The following MAPRE3 variants were observed in gnomAD, a reference collection of about 807,000 sequenced individuals.
MAPRE3 encodes microtubule-associated protein RP/EB family member 3.
MAPRE3 carries 2 observed loss-of-function variants against 30.5 expected under a neutral mutation model. The observed-to-expected ratio is 0.07, with a 90% CI of 0.03 to 0.21. The LOEUF (loss-of-function observed/expected upper bound fraction) is 0.21. Ranked by LOEUF, MAPRE3 falls within the 10% of genes least tolerant of loss-of-function variation. The pLI is 1.00. For missense variants in MAPRE3, 204 were observed against 351.8 expected, an observed-to-expected ratio of 0.58 and a Z score of 3.36; for synonymous variants, 110 against 127.7, an observed-to-expected ratio of 0.86 and a Z score of 0.93.
In MAPRE3 at chr2:27,003,962, G is replaced by A. The variant is rs115483837; in HGVS notation, c.-7-18250G>A. Among the ~76,000 whole-genome samples the A allele has an allele frequency of 1.9e-3, 293 of 152,252 alleles. 2 individuals carry two copies. Among genetic ancestry groups the A allele is most frequent in the African/African-American group, 6.3e-3 (263 of 41,540 alleles). On this transcript the variant is annotated intron_variant, in intron 1 of 6. Coordinates refer to ENST00000233121, the MANE Select transcript of MAPRE3 (RefSeq NM_012326.4). Reference sequence around the variant, plus strand: ...TTAGCTTGAACCTTCACAACAGTCCGGCAGCATAGGTATTTTAGAATTATT... The same window carrying A: ...TTAGCTTGAACCTTCACAACAGTCCAGCAGCATAGGTATTTTAGAATTATT...
At chr2:27,009,894 T>C (rs536435275) in intron 1 of MAPRE3, 2 of 152,372 alleles carry the variant, frequency 1.3e-5, no homozygotes, top group South Asian at 2.1e-4. Context: ...TGGAGCATGA[T>C]GTGTTGCCCT....
At chr2:27,011,369 C>G (rs993570301) in intron 1 of MAPRE3, among the ~76,000 whole-genome samples, 4 of 152,124 alleles carry the variant, frequency 2.6e-5, no homozygotes, top group African/African-American at 9.7e-5. Flanking sequence ...CTATTTAGCA[C>G]TTCATATATT....
chr2:26,996,682 C>T (rs1200352884), intron 1 of MAPRE3, among the ~76,000 whole-genome samples: 2 of 151,900 alleles, frequency 1.3e-5, no homozygotes. Context: ...CCCAGCTACT[C>T]GGGAGGCTGA....
chr2:26,999,502 T>C (rs1666541215), intron 1 of MAPRE3, among the ~76,000 whole-genome samples: 1 of 127,594 alleles, frequency 7.8e-6, no homozygotes, highest in Non-Finnish European at 1.6e-5. Context: ...TTTTTTTTTT[T>C]TTTTTTTTTT....
At position 26,973,974 on chromosome 2, in the gene MAPRE3, G is replaced by A. The variant is rs535474477; in HGVS notation, c.-8+3172G>A. Among the ~76,000 whole-genome samples, 21 of 152,360 alleles carry A rather than the reference G, an allele frequency of 1.4e-4. No homozygotes were observed. The South Asian group carries it at 3.9e-3, about 29-fold the overall frequency. ...GATGTTAGCACTGGAGGTGACCCCA[G>A]ATGGTATAGTTTAATGCCCTCATTT... On this transcript the variant is annotated intron_variant, in intron 1 of 6. Transcript: ENST00000233121.
chr2:27,021,263 C>T (rs1347825542), intron 1 of MAPRE3, among the ~76,000 whole-genome samples: 2 of 152,084 alleles, frequency 1.3e-5, no homozygotes, highest in African/African-American at 4.8e-5. Flanking sequence ...ATGCATAAAT[C>T]CTGAGGGTAA....
chr2:26,987,400 G>A (rs1666245929), intron 1 of MAPRE3, among the ~76,000 whole-genome samples: 1 of 152,148 alleles, frequency 6.6e-6, no homozygotes, highest in Admixed American at 6.5e-5. Flanking sequence ...ACTTTGGGAG[G>A]CTGAGGCAGG....
intron 1 of MAPRE3, among the ~76,000 whole-genome samples, chr2:26,984,050 C>T (rs1666169104): frequency 6.6e-6 from 1 of 152,198 alleles, no homozygotes; most frequent in African/African-American, 2.4e-5. Context: ...TTTTGCATCA[C>T]TTGTCTCACC....
intron 1 of MAPRE3, among the ~76,000 whole-genome samples, chr2:26,973,173 C>G (rs1410693363): frequency 6.6e-6 from 1 of 152,092 alleles, no homozygotes; most frequent in Non-Finnish European, 1.5e-5. Context: ...TTAAAACCCT[C>G]GGGAAATGGC....
intron 1 of MAPRE3, among the ~76,000 whole-genome samples, chr2:26,987,891 A>G (rs1474299316): frequency 6.6e-6 from 1 of 152,228 alleles, no homozygotes; most frequent in Non-Finnish European, 1.5e-5. Flanking sequence ...AACTTGCCAG[A>G]TAATTAATGG....
At chr2:27,022,136 A>G in intron 1 of MAPRE3, 76 bp from the exon 2 acceptor site, 1 of 1,530,882 alleles carries the variant, frequency 6.5e-7, no homozygotes, top group Non-Finnish European at 8.9e-7. Context: ...CCAGTATCAT[A>G]CAGCCCCTCT....
At chr2:26,971,950 C>A (rs998213208) in intron 1 of MAPRE3, among the ~76,000 whole-genome samples, 1 of 152,182 alleles carries the variant, frequency 6.6e-6, no homozygotes, top group Non-Finnish European at 1.5e-5. Flanking sequence ...ATGTTTGCTA[C>A]CCCTCCACCT....
chr2:26,997,196 G>T (rs1666480385), intron 1 of MAPRE3, among the ~76,000 whole-genome samples: 1 of 152,126 alleles, frequency 6.6e-6, no homozygotes. Flanking sequence ...TGGGGTAGAG[G>T]GTGGGGGTTG....
At chr2:26,991,600 A>G (rs574364325) in intron 1 of MAPRE3, among the ~76,000 whole-genome samples, 3 of 152,344 alleles carry the variant, frequency 2.0e-5, no homozygotes, top group African/African-American at 7.2e-5. Flanking sequence ...TCTAAACAAT[A>G]GAATTCCACA....
At chr2:26,972,986 C>G (rs1000172226) in intron 1 of MAPRE3, among the ~76,000 whole-genome samples, 6 of 152,164 alleles carry the variant, frequency 3.9e-5, no homozygotes, top group African/African-American at 1.4e-4. Context: ...AGGAGAGGGA[C>G]ATGATTTGAA....
intron 1 of MAPRE3, among the ~76,000 whole-genome samples, chr2:26,979,896 G>GT (rs1666080140): frequency 6.6e-6 from 1 of 152,184 alleles, no homozygotes; most frequent in Admixed American, 6.5e-5. Context: ...GTGACTGTGG[G>GT]TTGCAGGACA....
intron 1 of MAPRE3, among the ~76,000 whole-genome samples, chr2:27,019,695 TTC>T (rs1667072757): frequency 6.6e-6 from 1 of 152,222 alleles, no homozygotes; most frequent in Non-Finnish European, 1.5e-5. Context: ...AATAATTCAT[TTC>T]TGTTTCTCTT....
intron 1 of MAPRE3, among the ~76,000 whole-genome samples, chr2:26,971,267 A>G (rs190348209): frequency 6.6e-6 from 1 of 152,292 alleles, no homozygotes; most frequent in African/African-American, 2.4e-5. Context: ...GGGAGGGGGA[A>G]CATCGGGCCA....
chr2:27,019,438 G>A (rs574119788), intron 1 of MAPRE3, among the ~76,000 whole-genome samples: 1 of 152,040 alleles, frequency 6.6e-6, no homozygotes, highest in East Asian at 1.9e-4. Context: ...AAGAGGAGAG[G>A]ACATGAGGCA....
Sources: gnomAD v4.1 joint callset for allele counts (sites outside exome capture counted in the v4.1 genomes callset) on GRCh38, gnomAD v4.1.1 for gene constraint, MANE v1.5 for transcripts, NCBI Gene and HGNC (gene_info 2026-07-23, HGNC 2026-07-21) for gene names.